Variants in ARHGAP8 observed in about 807,000 individuals in gnomAD.
The protein encoded by ARHGAP8 is Rho GTPase activating protein 8.
In ARHGAP8, 62 loss-of-function variants were observed where a neutral mutation model predicts 46.1. That is an observed-to-expected ratio of 1.34 (90% CI 1.10 to 1.66). The LOEUF (loss-of-function observed/expected upper bound fraction) is 1.66. ARHGAP8 is among the 40% of genes most tolerant of loss of function. The probability of loss-of-function intolerance (pLI) is 0.00; values close to 1 mark genes in which losing one functional copy is unlikely to be tolerated. For missense variants in ARHGAP8, 923 were observed against 568.4 expected (o/e 1.62, Z -6.34); for synonymous variants, 375 against 243.1 (o/e 1.54, Z -5.05).
Position 44,862,551 on chromosome 22 carries a change from A to AC in ARHGAP8, c.1261dup (p.Leu421ProfsTer54), listed in dbSNP as rs1383774093. On this transcript the variant is annotated frameshift_variant, in exon 12 of 12. Transcript: ENST00000356099. LOFTEE classifies it low-confidence loss of function (END_TRUNC). ...ACAAGCCACGGGCCTCACCAAGCCT[A>AC]CCCTACCTCCGAGTCCCCTGATGGC... The AC allele has an allele frequency of 1.2e-6, 2 of 1,600,990 alleles. No individual in the cohort carries two copies. Among genetic ancestry groups the AC allele is most frequent in the Non-Finnish European group, 1.7e-6 (2 of 1,170,072 alleles).
chr22:44,787,686 TG>T (rs1927360165), intron 2 of ARHGAP8, among the ~76,000 whole-genome samples: 1 of 152,092 alleles, frequency 6.6e-6, no homozygotes, highest in South Asian at 2.1e-4. Flanking sequence ...ATTTCTCCCA[TG>T]GGCAGTGAGT....
At chr22:44,859,161 A>G (rs544088847) in intron 10 of ARHGAP8, among the ~76,000 whole-genome samples, 3 of 152,264 alleles carry the variant, frequency 2.0e-5, no homozygotes, top group African/African-American at 7.2e-5. Context: ...AAGCAGAGGG[A>G]TGGAGCTTGT....
intron 1 of ARHGAP8, among the ~76,000 whole-genome samples, chr22:44,774,615 C>T (rs1452222784): frequency 5.3e-5 from 8 of 151,322 alleles, no homozygotes; most frequent in East Asian, 1.9e-4. Flanking sequence ...CTCTGCCTCC[C>T]GGGTTCAAGT....
rs554560241 is a variant in ARHGAP8, at chr22:44,837,607, T to C, written c.597-7662T>C. Among the ~76,000 whole-genome samples, 123 of 152,256 alleles carry C rather than the reference T, an allele frequency of 8.1e-4. 1 individual carries two copies. Among genetic ancestry groups the C allele is most frequent in the African/African-American group, 2.6e-3 (110 of 41,544 alleles). On this transcript the variant is annotated intron_variant, in intron 7 of 11. Transcript: ENST00000356099. ...CCACCCAGCCAGGAAACACAGCACA[T>C]CTGCCAACCAGAGTCCCCTGGGGTC...
At chr22:44,824,362 G>T (rs1423730516) in intron 6 of ARHGAP8, among the ~76,000 whole-genome samples, 1 of 152,184 alleles carries the variant, frequency 6.6e-6, no homozygotes, top group African/African-American at 2.4e-5. Flanking sequence ...CAGCTCACAC[G>T]TGCTTGGCTG....
At chr22:44,794,507 G>C (rs971072839) in intron 2 of ARHGAP8, among the ~76,000 whole-genome samples, 1 of 151,942 alleles carries the variant, frequency 6.6e-6, no homozygotes, top group Non-Finnish European at 1.5e-5. Flanking sequence ...TCAGGAGTTC[G>C]AGACCAGCCT....
intron 2 of ARHGAP8, among the ~76,000 whole-genome samples, chr22:44,797,685 G>A (rs1048522603): frequency 2.6e-5 from 4 of 152,216 alleles, no homozygotes; most frequent in Admixed American, 6.5e-5. Flanking sequence ...GATGCGTGGC[G>A]TAAATAAAAG....
chr22:44,779,604 C>G (rs1224162794), intron 1 of ARHGAP8, among the ~76,000 whole-genome samples: 3 of 146,282 alleles, frequency 2.1e-5, no homozygotes, highest in Non-Finnish European at 4.5e-5. Flanking sequence ...CTCTGTCACC[C>G]AGGCTGGAGT....
intron 11 of ARHGAP8, among the ~76,000 whole-genome samples, chr22:44,861,776 T>TC (rs112640719): frequency 1.2e-4 from 19 of 152,080 alleles, no homozygotes; most frequent in Admixed American, 1.2e-3. Flanking sequence ...GAGTAATGAC[T>TC]CCCCCGTGCT....
chr22:44,778,971 G>A (rs1926622310), intron 1 of ARHGAP8, among the ~76,000 whole-genome samples: 1 of 152,116 alleles, frequency 6.6e-6, no homozygotes, highest in African/African-American at 2.4e-5. Flanking sequence ...GAACCAGGCA[G>A]CAGCTACCAT....
At chr22:44,841,908 G>A (rs1370346505) in intron 7 of ARHGAP8, among the ~76,000 whole-genome samples, 1 of 152,228 alleles carries the variant, frequency 6.6e-6, no homozygotes, top group Non-Finnish European at 1.5e-5. Context: ...AGAGAGGAAG[G>A]GGACGCTTGT....
intron 1 of ARHGAP8, among the ~76,000 whole-genome samples, chr22:44,773,625 C>T (rs964209780): frequency 9.2e-5 from 14 of 152,108 alleles, no homozygotes; most frequent in African/African-American, 2.4e-4. Flanking sequence ...TCCTGTTGCC[C>T]AGGCTGGGAT....
chr22:44,835,621 A>G (rs1285296582), intron 7 of ARHGAP8, among the ~76,000 whole-genome samples: 2 of 152,212 alleles, frequency 1.3e-5, no homozygotes, highest in Admixed American at 1.3e-4. Flanking sequence ...ATCAGTCTCA[A>G]GAAAAAGAAG....
intron 1 of ARHGAP8, among the ~76,000 whole-genome samples, chr22:44,783,454 T>C (rs1463577472): frequency 6.6e-6 from 1 of 152,180 alleles, no homozygotes; most frequent in African/African-American, 2.4e-5. Context: ...CCCCCTTCTC[T>C]GCAGCCAGAG....
chr22:44,772,925 C>A (rs1011257260), intron 1 of ARHGAP8, among the ~76,000 whole-genome samples: 3 of 150,374 alleles, frequency 2.0e-5, no homozygotes, highest in African/African-American at 7.3e-5. Flanking sequence ...TTCAAGCGGT[C>A]CTCCTACTTC....
intron 7 of ARHGAP8, among the ~76,000 whole-genome samples, chr22:44,842,138 C>T (rs1271306362): frequency 6.6e-6 from 1 of 152,166 alleles, no homozygotes; most frequent in African/African-American, 2.4e-5. Flanking sequence ...GCGGGCGGAT[C>T]ACATGGTCAA....
chr22:44,833,511 A>G (rs1200259919), intron 7 of ARHGAP8, among the ~76,000 whole-genome samples: 1 of 152,110 alleles, frequency 6.6e-6, no homozygotes, highest in East Asian at 1.9e-4. Flanking sequence ...TATTCCTGGG[A>G]TAAATCATTT....
intron 3 of ARHGAP8, among the ~76,000 whole-genome samples, chr22:44,802,970 G>C (rs1488386183): frequency 6.7e-6 from 1 of 148,538 alleles, no homozygotes. Flanking sequence ...TCAAACCCAG[G>C]ACAGAAGACA....
At chr22:44,766,425 C>T (rs1925569356) in intron 1 of ARHGAP8, among the ~76,000 whole-genome samples, 1 of 151,594 alleles carries the variant, frequency 6.6e-6, no homozygotes, top group African/African-American at 2.4e-5. Flanking sequence ...CATGTCTGTG[C>T]ACACGTGTGT....
Sources: allele counts gnomAD v4.1 joint callset (sites outside exome capture counted in the v4.1 genomes callset), GRCh38; gene constraint gnomAD v4.1.1; transcripts MANE v1.5; gene names NCBI Gene and HGNC (gene_info 2026-07-23, HGNC 2026-07-21).